The following TPH2 variants were observed in gnomAD, a reference collection of about 807,000 sequenced individuals.
TPH2 encodes tryptophan hydroxylase 2, also known as tryptophan 5-hydroxylase 2.
In TPH2, 27 loss-of-function variants were observed where a neutral mutation model predicts 59.1. That is an observed-to-expected ratio of 0.46 (90% CI 0.34 to 0.63). TPH2 has a LOEUF of 0.63. TPH2 is among the 30% of genes least tolerant of loss of function. TPH2 has a pLI of 0.01. For synonymous variants in TPH2, 220 were observed against 210.5 expected (o/e 1.05, Z -0.39); for missense variants, 523 against 588.3 (o/e 0.89, Z 1.15).
intron 6 of TPH2, among the ~76,000 whole-genome samples, chr12:71,975,195 A>T (rs1011060614): frequency 1.3e-5 from 2 of 152,062 alleles, no homozygotes; most frequent in African/African-American, 2.4e-5. Context: ...AAATACAAAA[A>T]TTGGCTGGGC....
At chr12:72,008,069 G>C (rs1873002287) in intron 8 of TPH2, among the ~76,000 whole-genome samples, 1 of 152,164 alleles carries the variant, frequency 6.6e-6, no homozygotes. Flanking sequence ...GAGGGATATA[G>C]ATAAGTGAAC....
At chr12:71,990,778 C>T (rs1336126546) in intron 7 of TPH2, among the ~76,000 whole-genome samples, 1 of 152,212 alleles carries the variant, frequency 6.6e-6, no homozygotes, top group Non-Finnish European at 1.5e-5. Flanking sequence ...ACACTTTGTT[C>T]AGGAATCTGA....
At chr12:72,029,017 C>T (rs1873645607) in intron 9 of TPH2, among the ~76,000 whole-genome samples, 1 of 152,152 alleles carries the variant, frequency 6.6e-6, no homozygotes, top group Admixed American at 6.5e-5. Flanking sequence ...TCTGGCTATC[C>T]AGTGGAATTG....
At chr12:71,964,563 G>A in intron 5 of TPH2, 1 of 985,136 alleles carries the variant, frequency 1.0e-6, no homozygotes, top group Non-Finnish European at 1.2e-6. Flanking sequence ...TACTCATTGA[G>A]TATTTGGCTG....
intron 8 of TPH2, among the ~76,000 whole-genome samples, chr12:72,010,097 A>G (rs1206875960): frequency 6.6e-6 from 1 of 152,206 alleles, no homozygotes; most frequent in Non-Finnish European, 1.5e-5. Flanking sequence ...AAAACTCAGA[A>G]TGGTTAGATA....
intron 7 of TPH2, among the ~76,000 whole-genome samples, chr12:71,989,770 T>C (rs903521486): frequency 9.2e-5 from 14 of 152,230 alleles, no homozygotes; most frequent in African/African-American, 3.4e-4. Context: ...AGAACCCTTA[T>C]TTCTTCATAG....
chr12:72,021,086 C>G (rs1283434826), intron 8 of TPH2, among the ~76,000 whole-genome samples: 5 of 152,142 alleles, frequency 3.3e-5, no homozygotes, highest in Non-Finnish European at 5.9e-5. Flanking sequence ...CTTCAGTGCT[C>G]TATCATCATT....
intron 8 of TPH2, among the ~76,000 whole-genome samples, chr12:72,021,510 C>T (rs989202663): frequency 6.6e-6 from 1 of 151,614 alleles, no homozygotes; most frequent in Admixed American, 6.6e-5. Flanking sequence ...AGAAAACACA[C>T]TTCAAATTTG....
At chr12:71,949,799 T>C (rs546614219) in intron 5 of TPH2, 144 bp downstream of exon 5, 3 of 690,788 alleles carry the variant, frequency 4.3e-6, no homozygotes, top group South Asian at 3.1e-5. Flanking sequence ...CTGTAGGCTT[T>C]AAATGCCAAC....
rs780344719 is a variant in TPH2 at position 71,972,690 on chromosome 12, C to T, written c.780C>T (p.Leu260=). 1.7e-5 allele frequency: 28 copies of T among 1,613,898 alleles called. No homozygotes were observed. Among genetic ancestry groups the T allele is most frequent in the African/African-American group, 1.1e-4 (8 of 74,902 alleles). The change falls in exon 6 of 11, where the codon CTC becomes CTT. Residue 260 remains leucine, a synonymous_variant. Transcript: ENST00000333850. The stretch of plus-strand genomic sequence containing the variant: ...ACAGAGAGGACAATGTGCCTCAACT[C>T]GAAGATGTCTCCATGTTTCTGAAAG... The part of the protein sequence containing the change: ...CGYREDNVPQ[L]EDVSMFLKER...
chr12:71,989,943 C>T lies in TPH2; in HGVS notation c.942-4496C>T, dbSNP rs536030767. Among the ~76,000 whole-genome samples the T allele has an allele frequency of 4.7e-3, 511 of 107,958 alleles. 1 individual carries two copies. The highest frequency in any genetic ancestry group is 9.6e-3 in the Admixed American group (76 of 7,950). 70.8% of individuals were successfully genotyped at this position (107,958 alleles called of 152,430 possible). ...GCAAAAGTTTAGTGTCTGATATCAG[C>T]TCTTGGTTTTTTTTTTTTTTTTAAA... On this transcript the variant is annotated intron_variant, in intron 7 of 10. Transcript: ENST00000333850.
chr12:71,961,782 CTATCCTG>C (rs1251346479), intron 5 of TPH2: 1 of 1,295,240 alleles, frequency 7.7e-7, no homozygotes, highest in Non-Finnish European at 1.0e-6. Flanking sequence ...GTGGGAAGCC[CTATCCTG>C]TGGTGCACAG....
intron 7 of TPH2, among the ~76,000 whole-genome samples, chr12:71,994,204 G>A (rs558796788): frequency 1.3e-5 from 2 of 152,198 alleles, no homozygotes; most frequent in Admixed American, 1.3e-4. Flanking sequence ...CTTGAAAATA[G>A]TAGTTGCTTT....
intron 9 of TPH2, among the ~76,000 whole-genome samples, chr12:72,027,338 T>C (rs1325527053): frequency 2.6e-5 from 4 of 152,076 alleles, no homozygotes; most frequent in Non-Finnish European, 4.4e-5. Flanking sequence ...CAAAGCATCA[T>C]CTCTGGACTG....
At chr12:71,970,824 C>T (rs1453951381) in intron 5 of TPH2, among the ~76,000 whole-genome samples, 1 of 152,220 alleles carries the variant, frequency 6.6e-6, no homozygotes, top group Non-Finnish European at 1.5e-5. Context: ...CAAGGCTAAT[C>T]TTGCTCTAAT....
rs1386848346 is a variant in TPH2, at chr12:71,984,173, C to CT, written c.941+5092dup. On this transcript the variant is annotated intron_variant, in intron 7 of 10. Transcript: ENST00000333850. Reference sequence around the variant, plus strand: ...GAAATACATTTGTATTAAGGAACATCTTTTTTGTTGCAGTTGACCAGTTTA... The same window carrying CT: ...GAAATACATTTGTATTAAGGAACATCTTTTTTTGTTGCAGTTGACCAGTTTA... Among the ~76,000 whole-genome samples the CT allele has an allele frequency of 5.3e-5, 8 of 152,246 alleles. 1 individual carries two copies. The South Asian group carries it at 1.5e-3, about 28-fold the overall frequency.
At chr12:72,011,691 G>A (rs546271961) in intron 8 of TPH2, among the ~76,000 whole-genome samples, 1 of 152,214 alleles carries the variant, frequency 6.6e-6, no homozygotes, top group Admixed American at 6.5e-5. Context: ...AGAATCAATG[G>A]GTCTTCAGAG....
intron 1 of TPH2, among the ~76,000 whole-genome samples, chr12:71,939,475 TTAAA>T (rs1260440525): frequency 6.6e-6 from 1 of 151,176 alleles, no homozygotes; most frequent in East Asian, 1.9e-4. Flanking sequence ...GGAGAACAAA[TTAAA>T]TAAATTTCCA....
chr12:72,012,433 C>T (rs1266618587), intron 8 of TPH2, among the ~76,000 whole-genome samples: 1 of 152,206 alleles, frequency 6.6e-6, no homozygotes. Context: ...CAGGTGGAAT[C>T]TGCAAAGAGC....
Sources: gnomAD v4.1 joint callset for allele counts (sites outside exome capture counted in the v4.1 genomes callset) on GRCh38, gnomAD v4.1.1 for gene constraint, MANE v1.5 for transcripts, NCBI Gene and HGNC (gene_info 2026-07-23, HGNC 2026-07-21) for gene names.